IKBKE: variants seen among roughly 807,000 people sequenced by gnomAD.
IKBKE encodes the protein inhibitor of nuclear factor kappa-B kinase subunit epsilon.
Under a neutral mutation model 92.1 loss-of-function variants are expected in IKBKE, and 45 were observed. The observed-to-expected ratio is 0.49, with a 90% CI of 0.38 to 0.63. The LOEUF (loss-of-function observed/expected upper bound fraction) is 0.63, where lower values mean the gene tolerates loss of function less well. IKBKE is among the 20% of genes least tolerant of loss of function. The pLI is 0.00. For synonymous variants in IKBKE, 374 were observed against 380.3 expected (o/e 0.98, Z 0.19); for missense variants, 700 against 932.8 (o/e 0.75, Z 3.25).
At position 206,481,766 on chromosome 1, in the gene IKBKE, C is replaced by CTTTTTT. The variant is rs71152472; in HGVS notation, c.1427+1259_1427+1264dup. Among the ~76,000 whole-genome samples, 25 of 46,560 alleles carry CTTTTTT rather than the reference C, an allele frequency of 5.4e-4. 3 individuals carry two copies. The highest frequency in any genetic ancestry group is 9.2e-4 in the African/African-American group (10 of 10,856). The allele number at this position is 46,560 out of a possible 152,430, so 30.5% of individuals were successfully genotyped here. On this transcript the variant is annotated intron_variant, in intron 13 of 21. Coordinates refer to ENST00000581977, the MANE Select transcript of IKBKE (RefSeq NM_014002.4). ...ACGGAGGCCTTCCTGAAGGATGAGGCTTTTTTTTTTTTTTTTTTTTTTTTT... is the reference window on the plus strand; with the variant it reads ...ACGGAGGCCTTCCTGAAGGATGAGGCTTTTTTTTTTTTTTTTTTTTTTTTTTTTTTT...
At position 206,478,353 on chromosome 1, in the gene IKBKE, A is replaced by G. The variant is rs1553386073; in HGVS notation, c.992+14A>G. 9 of 1,609,830 alleles carry G rather than the reference A, an allele frequency of 5.6e-6. No homozygotes were observed. Among genetic ancestry groups the G allele is most frequent in the Non-Finnish European group, 6.8e-6 (8 of 1,179,402 alleles). ...TGCCCACAACACGTAAGTGGGGGCG[A>G]GGGAGGGAAGCGGTGAGAACCTTCT... On this transcript the variant is annotated intron_variant, in intron 9 of 21. Transcript: ENST00000581977. This position sits in a 1 kb window ranked among gnomAD's most constrained non-coding sequence, Gnocchi z 4.8.
At chr1:206,493,490 C>A in intron 20 of IKBKE, 112 bp downstream of exon 20, 3 of 783,976 alleles carry the variant, frequency 3.8e-6, no homozygotes, top group Non-Finnish European at 6.3e-6. Flanking sequence ...GCCTAGGAGG[C>A]AAGATTAAAG....
intron 10 of IKBKE, 97 bp downstream of exon 10, chr1:206,479,230 G>C (rs948654942): frequency 9.5e-7 from 1 of 1,056,286 alleles, no homozygotes; most frequent in South Asian, 1.6e-5. Flanking sequence ...TTCTTTGTGG[G>C]TGTTTCTTTG....
At chr1:206,484,436 T>C (rs1228451991) in intron 13 of IKBKE, among the ~76,000 whole-genome samples, 1 of 152,210 alleles carries the variant, frequency 6.6e-6, no homozygotes, top group East Asian at 1.9e-4. Context: ...ATTGTCCCTG[T>C]AGAAGAAAGA....
chr1:206,474,226 C>A, intron 3 of IKBKE, 105 bp from the exon 4 acceptor site: 1 of 1,136,342 alleles, frequency 8.8e-7, no homozygotes, highest in Non-Finnish European at 1.3e-6. Flanking sequence ...GTTGGGCTGG[C>A]CGGAGAGGCT....
At chr1:206,472,922 C>G in intron 2 of IKBKE, 1 of 413,652 alleles carries the variant, frequency 2.4e-6, no homozygotes, top group Non-Finnish European at 4.3e-6. Flanking sequence ...GGAGGGGCTT[C>G]AAGGGAACGT....
chr1:206,485,131 G>C lies in IKBKE; in HGVS notation c.1503+59G>C. Reference sequence around the variant, plus strand: ...ATCAGAGCTGGGGGCCCGTGTTCCAGCCAGCCTGCCCACCAGTGCCCAGGC... The same window carrying C: ...ATCAGAGCTGGGGGCCCGTGTTCCACCCAGCCTGCCCACCAGTGCCCAGGC... On this transcript the variant is annotated intron_variant, in intron 14 of 21. Coordinates refer to ENST00000581977, the MANE Select transcript of IKBKE (RefSeq NM_014002.4). The surrounding 1 kb of genome is among the most constrained non-coding windows in gnomAD (Gnocchi z 5.0). 1.3e-6 allele frequency: 2 copies of C among 1,590,030 alleles called. No homozygotes were observed. Among genetic ancestry groups the C allele is most frequent in the African/African-American group, 1.3e-5 (1 of 74,564 alleles).
At chr1:206,489,291 A>G (rs2103479381) in intron 16 of IKBKE, among the ~76,000 whole-genome samples, 1 of 147,744 alleles carries the variant, frequency 6.8e-6, no homozygotes, top group East Asian at 1.9e-4. Context: ...TCACATATAT[A>G]TAACATTTAT....
chr1:206,476,127 A>G lies in IKBKE; in HGVS notation c.359-54A>G, dbSNP rs1665048032. 6.4e-6 allele frequency: 10 copies of G among 1,565,812 alleles called. No homozygotes were observed. Among genetic ancestry groups the G allele is most frequent in the Non-Finnish European group, 8.8e-6 (10 of 1,141,030 alleles). The stretch of plus-strand genomic sequence containing the variant: ...GCCTTCCCACCAAGATGAGCCTCAG[A>G]CACTAGACTGTCCCCGACCAGAGCC... On this transcript the variant is annotated intron_variant, in intron 5 of 21. Transcript: ENST00000581977. The surrounding 1 kb of genome is among the most constrained non-coding windows in gnomAD (Gnocchi z 5.1).
intron 2 of IKBKE, among the ~76,000 whole-genome samples, chr1:206,471,877 C>T (rs1444671939): frequency 2.0e-5 from 3 of 152,244 alleles, no homozygotes; most frequent in African/African-American, 4.8e-5. Context: ...GGATTCCAGG[C>T]ATGGCAACCC....
At chr1:206,473,380 GC>G in intron 3 of IKBKE, 66 bp downstream of exon 3, 1 of 1,174,980 alleles carries the variant, frequency 8.5e-7, no homozygotes, top group Non-Finnish European at 1.2e-6. Flanking sequence ...TCAGAAGCTG[GC>G]CCAGTCAGCC....
In IKBKE at chr1:206,490,813, C is replaced by T. The variant is rs1553390124; in HGVS notation, c.1694-6C>T. 1 of 1,614,098 alleles carries T rather than the reference C, an allele frequency of 6.2e-7. No individual in the cohort carries two copies. The highest frequency in any genetic ancestry group is 1.1e-5 in the South Asian group (1 of 91,088). On this transcript the variant is annotated splice_region_variant and splice_polypyrimidine_tract_variant and intron_variant, in intron 16 of 21. Coordinates refer to ENST00000581977, the MANE Select transcript of IKBKE (RefSeq NM_014002.4). The surrounding 1 kb of genome is among the most constrained non-coding windows in gnomAD (Gnocchi z 5.2). ...AGGTGACATCTGTTCTGTCTGTTTC[C>T]TCCAGGGCTTGGCTACAACGAGGAG...
intron 5 of IKBKE, 28 bp downstream of exon 5, chr1:206,475,022 C>A (rs782634650): frequency 1.9e-6 from 3 of 1,612,370 alleles, no homozygotes; most frequent in Middle Eastern, 1.8e-4. Context: ...CCTGCCTCCA[C>A]CCTCAGACCA....
At chr1:206,493,188 C>A in intron 19 of IKBKE, 69 bp downstream of exon 19, 1 of 1,556,214 alleles carries the variant, frequency 6.4e-7, no homozygotes, top group South Asian at 1.1e-5. Context: ...CCATGTCTTC[C>A]CCTCCTCCAG....
At chr1:206,480,324 G>A (rs1323385702) in intron 12 of IKBKE, 123 bp from the exon 13 acceptor site, 1 of 829,816 alleles carries the variant, frequency 1.2e-6, no homozygotes, top group Non-Finnish European at 1.9e-6. Flanking sequence ...CAGGCCGGAG[G>A]GGGAGGCAGG....
chr1:206,474,716 G>C, intron 4 of IKBKE, 149 bp from the exon 5 acceptor site: 1 of 926,510 alleles, frequency 1.1e-6, no homozygotes, highest in Non-Finnish European at 1.6e-6. Flanking sequence ...TCCAGTGTGC[G>C]GGATCAGTGT....
chr1:206,486,377 G>A (rs963663752), intron 15 of IKBKE, among the ~76,000 whole-genome samples: 6 of 152,218 alleles, frequency 3.9e-5, no homozygotes, highest in African/African-American at 1.4e-4. Context: ...GATGAAGGCT[G>A]CAGATCTGAG....
Position 206,474,406 on chromosome 1 carries a change from G to A in IKBKE, c.163G>A (p.Glu55Lys), listed in dbSNP as rs1462772133. Residue 55 changes from glutamate to lysine, a missense_variant, in exon 4 of 22, where the codon GAG (glutamate) becomes AAG (lysine). Transcript: ENST00000581977. The stretch of plus-strand genomic sequence containing the variant: ...GCGGCCCCGCGAGGTGCAGGTGAGG[G>A]AGTTTGAGGTCCTGCGGAAGCTGAA... ...YLRPREVQVR[E>K]FEVLRKLNHQ... 1.2e-6 allele frequency: 2 copies of A among 1,614,166 alleles called. No individual in the cohort carries two copies. Among genetic ancestry groups the A allele is most frequent in the Non-Finnish European group, 8.5e-7 (1 of 1,179,984 alleles).
At position 206,490,245 on chromosome 1, in the gene IKBKE, C is replaced by G. The variant is rs556771844; in HGVS notation, c.1694-574C>G. ...GCTGCCGCCACCCTGGAGGCCCATT[C>G]CTGCGAAGACCAGGAGGGGGCAGCA... is the stretch of plus-strand genomic sequence containing the variant. On this transcript the variant is annotated intron_variant, in intron 16 of 21. Transcript: ENST00000581977. This position sits in a 1 kb window ranked among gnomAD's most constrained non-coding sequence, Gnocchi z 5.2. Among the ~76,000 whole-genome samples the G allele has an allele frequency of 6.6e-6, 1 of 152,310 alleles. No individual in the cohort carries two copies. Among genetic ancestry groups the G allele is most frequent in the Admixed American group, 6.5e-5 (1 of 15,302 alleles).
Sources: gnomAD v4.1 joint callset for allele counts (sites outside exome capture counted in the v4.1 genomes callset) on GRCh38, gnomAD v4.1.1 for gene constraint, Gnocchi (gnomAD v3.1) non-coding constraint, MANE v1.5 for transcripts, NCBI Gene and HGNC (gene_info 2026-07-23, HGNC 2026-07-21) for gene names.